SLC8A1: variants seen among roughly 807,000 people sequenced by gnomAD.
The protein encoded by SLC8A1 is sodium/calcium exchanger 1.
SLC8A1 carries 18 observed loss-of-function variants against 68.3 expected under a neutral mutation model. The ratio of observed to expected loss-of-function variants is 0.26; its 90% CI spans 0.18 to 0.39. The LOEUF (loss-of-function observed/expected upper bound fraction) is 0.39. Among genes scored for constraint, SLC8A1 ranks in the 10% least tolerant of loss-of-function variants. The pLI is 1.00. For synonymous variants in SLC8A1, 475 were observed against 415.5 expected (o/e 1.14, Z -1.74); for missense variants, 985 against 1,156.7 (o/e 0.85, Z 2.15).
At chr2:40,113,244 C>G (rs996939283) in exon 8 of SLC8A1, 2 of 152,608 alleles carry the variant, frequency 1.3e-5, no homozygotes, top group Non-Finnish European at 1.5e-5. Flanking sequence ...TAAGTCTCAA[C>G]AGCTTTAATT....
intron 2 of SLC8A1, among the ~76,000 whole-genome samples, chr2:40,263,339 T>C (rs2064950931): frequency 2.0e-5 from 3 of 152,176 alleles, no homozygotes; most frequent in Non-Finnish European, 4.4e-5. Context: ...TGTAATTCAA[T>C]TGGAAAAAAC....
At chr2:40,269,108 A>C (rs1287311115) in intron 2 of SLC8A1, among the ~76,000 whole-genome samples, 1 of 152,216 alleles carries the variant, frequency 6.6e-6, no homozygotes, top group Non-Finnish European at 1.5e-5. Context: ...AAAAGTAGTG[A>C]GTGTTCATAA....
At chr2:40,265,009 T>A (rs1031960098) in intron 2 of SLC8A1, among the ~76,000 whole-genome samples, 5 of 152,190 alleles carry the variant, frequency 3.3e-5, no homozygotes, top group Admixed American at 3.3e-4. Context: ...GTTATTATGT[T>A]GCCATGACTT....
chr2:40,497,427 G>C (rs1705781129), intron 1 of SLC8A1, among the ~76,000 whole-genome samples: 1 of 151,958 alleles, frequency 6.6e-6, no homozygotes, highest in Non-Finnish European at 1.5e-5. Context: ...AAAAATACAT[G>C]TTGACAATAT....
chr2:40,104,593 A>G (rs1436895975), exon 8 of SLC8A1: 1 of 152,208 alleles, frequency 6.6e-6, no homozygotes, highest in Admixed American at 6.5e-5. Flanking sequence ...TGGAAGGTTA[A>G]TTTAATTAGA....
At chr2:40,151,355 G>A (rs1023570255) in intron 6 of SLC8A1, among the ~76,000 whole-genome samples, 2 of 152,028 alleles carry the variant, frequency 1.3e-5, no homozygotes, top group Middle Eastern at 3.4e-3. Flanking sequence ...AGTTATATAC[G>A]GATTGGAAAA....
At chr2:40,311,741 C>T (rs903381706) in intron 2 of SLC8A1, among the ~76,000 whole-genome samples, 1 of 151,546 alleles carries the variant, frequency 6.6e-6, no homozygotes, top group South Asian at 2.1e-4. Context: ...CTGGAATGAA[C>T]ATGGATTACT....
chr2:40,400,271 C>G (rs1251243253), intron 2 of SLC8A1, among the ~76,000 whole-genome samples: 2 of 152,138 alleles, frequency 1.3e-5, no homozygotes, highest in East Asian at 1.9e-4. Flanking sequence ...TACGTAACAA[C>G]TTGTATCATT....
intron 1 of SLC8A1, among the ~76,000 whole-genome samples, chr2:40,463,771 T>C (rs987004602): frequency 2.0e-5 from 3 of 151,694 alleles, no homozygotes; most frequent in Non-Finnish European, 4.4e-5. Context: ...TATGCTATTC[T>C]AAATTACTCT....
intron 2 of SLC8A1, among the ~76,000 whole-genome samples, chr2:40,305,511 G>C (rs1181811724): frequency 6.6e-6 from 1 of 152,164 alleles, no homozygotes; most frequent in Non-Finnish European, 1.5e-5. Context: ...GATGGATCAA[G>C]TTATAGAAGC....
At chr2:40,347,073 T>C (rs770515963) in intron 2 of SLC8A1, among the ~76,000 whole-genome samples, 10 of 152,202 alleles carry the variant, frequency 6.6e-5, no homozygotes, top group Non-Finnish European at 1.3e-4. Context: ...AGATAGCACT[T>C]TGTATAGAAG....
intron 2 of SLC8A1, among the ~76,000 whole-genome samples, chr2:40,365,810 G>A (rs1042958309): frequency 6.6e-6 from 1 of 151,864 alleles, no homozygotes; most frequent in Admixed American, 6.6e-5. Context: ...AGACCAAACT[G>A]GGCAATACGG....
At chr2:40,333,166 C>T (rs563564631) in intron 2 of SLC8A1, among the ~76,000 whole-genome samples, 15 of 152,282 alleles carry the variant, frequency 9.9e-5, no homozygotes, top group Middle Eastern at 6.8e-3. Context: ...AGGCCGGGTG[C>T]GGTGGCTCAC....
At chr2:40,268,252 G>C (rs1259264526) in intron 2 of SLC8A1, among the ~76,000 whole-genome samples, 2 of 151,896 alleles carry the variant, frequency 1.3e-5, no homozygotes, top group Non-Finnish European at 2.9e-5. Context: ...CTTGATAATG[G>C]CAGGGACCAG....
At chr2:40,242,461 G>C (rs1258844001) in intron 2 of SLC8A1, among the ~76,000 whole-genome samples, 2 of 152,094 alleles carry the variant, frequency 1.3e-5, no homozygotes, top group African/African-American at 4.8e-5. Flanking sequence ...TTCTCCCTAT[G>C]GCATGTGCTC....
At chr2:40,153,783 T>C (rs2043902951) in intron 6 of SLC8A1, among the ~76,000 whole-genome samples, 1 of 152,210 alleles carries the variant, frequency 6.6e-6, no homozygotes, top group African/African-American at 2.4e-5. Flanking sequence ...TTCCTTATGA[T>C]GGGATTTAGT....
chr2:40,383,316 G>T (rs1338572277), intron 2 of SLC8A1, among the ~76,000 whole-genome samples: 3 of 151,848 alleles, frequency 2.0e-5, no homozygotes, highest in Non-Finnish European at 4.4e-5. Context: ...TATGTTTTTT[G>T]TCCTTAGTTG....
rs550180388 is a variant in SLC8A1, at chr2:40,099,058, A to T, written c.*16195T>A. Reference sequence around the variant, plus strand: ...TTTAGTGCATTTTTTTGAACCTTCAATTCAGAGTGAATCAACTCATTAATA... The same window carrying T: ...TTTAGTGCATTTTTTTGAACCTTCATTTCAGAGTGAATCAACTCATTAATA... On this transcript the variant is annotated 3_prime_UTR_variant, in exon 8 of 8. Coordinates refer to ENST00000406785, the Ensembl canonical transcript of SLC8A1. The T allele has an allele frequency of 1.2e-3, 179 of 152,152 alleles. 1 individual carries two copies. Among genetic ancestry groups the T allele is most frequent in the African/African-American group, 4.2e-3 (176 of 41,548 alleles). The allele number at this position is 152,152 out of a possible 1,614,324, so 9.4% of individuals were successfully genotyped here.
chr2:40,174,689 A>T lies in SLC8A1; in HGVS notation c.1930+136T>A, dbSNP rs1325021078. ...TATTTGGGGAAAAATAAGGAACATT[A>T]AAAAAATAAGTCTTACCAAACAGGT... On this transcript the variant is annotated intron_variant, in intron 4 of 7. Coordinates refer to ENST00000406785, the Ensembl canonical transcript of SLC8A1. The T allele has an allele frequency of 6.7e-7, 1 of 1,495,732 alleles. No individual in the cohort carries two copies. Among genetic ancestry groups the T allele is most frequent in the Non-Finnish European group, 9.2e-7 (1 of 1,087,124 alleles). The allele number at this position is 1,495,732 out of a possible 1,614,324, so 92.7% of individuals were successfully genotyped here.
Sources: allele counts gnomAD v4.1 joint callset (sites outside exome capture counted in the v4.1 genomes callset), GRCh38; gene constraint gnomAD v4.1.1; transcripts MANE v1.5; gene names NCBI Gene and HGNC (gene_info 2026-07-23, HGNC 2026-07-21).